The following ZDHHC4 variants were observed in gnomAD, a reference collection of about 807,000 sequenced individuals.
ZDHHC4 encodes palmitoyltransferase ZDHHC4.
A neutral mutation model predicts 36.7 loss-of-function variants in ZDHHC4; 42 were observed. The observed-to-expected ratio is 1.14, with a 90% CI of 0.89 to 1.48. The LOEUF (loss-of-function observed/expected upper bound fraction) is 1.48. Among genes scored for constraint, ZDHHC4 ranks in the 40% most tolerant of loss-of-function variants. ZDHHC4 has a pLI of 0.00. For synonymous variants in ZDHHC4, 189 were observed against 166.6 expected (o/e 1.13, Z -1.03); for missense variants, 457 against 421.5 (o/e 1.08, Z -0.74).
chr7:6,582,890 G>A (rs567938309), intron 5 of ZDHHC4, among the ~76,000 whole-genome samples: 2 of 152,238 alleles, frequency 1.3e-5, no homozygotes, highest in South Asian at 2.1e-4. Context: ...AATGAATTGC[G>A]TGGCTGGGCG....
chr7:6,580,600 G>T lies in ZDHHC4; in HGVS notation c.39G>T (p.Ser13=), dbSNP rs758957845. ...FLVLFLFYLA[S]VLMGLVLICV... is the part of the protein sequence containing the mutation. ...TCCTCTTCTTGTTCTACCTGGCTTC[G>T]GTGCTGATGGGTCTTGTTCTTATCT... Residue 13 remains serine, a synonymous_variant, in exon 3 of 8, where the codon TCG becomes TCT. Transcript: ENST00000335965. The T allele has an allele frequency of 1.1e-5, 17 of 1,613,922 alleles. No individual in the cohort carries two copies. The highest frequency in any genetic ancestry group is 1.7e-5 in the Admixed American group (1 of 59,980).
rs918644213 is a variant in ZDHHC4 at position 6,582,193 on chromosome 7, C to G, written c.312C>G (p.Pro104=). The change falls in exon 5 of 8, where the codon CCC becomes CCG. Residue 104 remains proline, a synonymous_variant. Coordinates refer to ENST00000335965, the MANE Select transcript of ZDHHC4 (RefSeq NM_001134389.2). ...TGTCCTTGCATTACCTTCTTCTGCC[C>G]TATCTGCTGCTAGGTGTAAACCTGT... ...LELSLHYLLL[P]YLLLGVNLFF... is the part of the protein sequence containing the mutation. 3 of 1,614,012 alleles carry G rather than the reference C, an allele frequency of 1.9e-6. No homozygotes were observed. The highest frequency in any genetic ancestry group is 2.5e-6 in the Non-Finnish European group (3 of 1,180,000).
At position 6,577,466 on chromosome 7, in the gene ZDHHC4, C is replaced by G. The variant is rs989311335; in HGVS notation, c.-195C>G. 1.3e-5 allele frequency: 2 copies of G among 152,132 alleles called. No homozygotes were observed. The highest frequency in any genetic ancestry group is 2.9e-5 in the Non-Finnish European group (2 of 68,018). 9.4% of individuals were successfully genotyped at this position (152,132 alleles called of 1,614,324 possible). ...CGAGCCCGCAGGAAGTCTCGTATCG[C>G]GCCCGGGAGGCGCCGGAGCCCAGCG... On this transcript the variant is annotated 5_prime_UTR_variant, in exon 1 of 8. Transcript: ENST00000335965.
In ZDHHC4 at chr7:6,583,349, T is replaced by C. The variant is rs1780999708; in HGVS notation, c.414T>C (p.Tyr138=). 6.2e-7 allele frequency: 1 copy of C among 1,613,680 alleles called. No individual in the cohort carries two copies. The change falls in exon 6 of 8, where the codon TAT becomes TAC. Residue 138 remains tyrosine, a synonymous_variant. Transcript: ENST00000335965. ...KANELLFLHV[Y]EFDEVMFPKN... is the part of the protein sequence containing the mutation. The stretch of plus-strand genomic sequence containing the variant: ...ATGAATTATTATTTCTTCATGTTTA[T>C]GAATTTGATGAAGTGATGTTTCCAA...
intron 7 of ZDHHC4, 38 bp from the exon 8 acceptor site, chr7:6,588,579 T>A (rs760251860): frequency 3.8e-6 from 6 of 1,599,728 alleles, no homozygotes; most frequent in Non-Finnish European, 5.1e-6. Context: ...GATGTCACAG[T>A]CCAGCTGCCT....
intron 1 of ZDHHC4, 177 bp downstream of exon 1, chr7:6,577,675 A>G (rs995726092): frequency 6.6e-6 from 1 of 151,980 alleles, no homozygotes; most frequent in Non-Finnish European, 1.5e-5. Flanking sequence ...TCCCCCTACC[A>G]GGGCTCCAGC....
chr7:6,586,877 T>TC (rs1781279721), intron 7 of ZDHHC4, among the ~76,000 whole-genome samples: 1 of 151,826 alleles, frequency 6.6e-6, no homozygotes, highest in Non-Finnish European at 1.5e-5. Context: ...TGTTTTCACT[T>TC]TTGGCTATTT....
intron 3 of ZDHHC4, 184 bp downstream of exon 3, chr7:6,580,862 G>T: frequency 1.6e-6 from 1 of 609,118 alleles, no homozygotes. Context: ...GTTGCCATGA[G>T]CTATGATCAC....
intron 7 of ZDHHC4, among the ~76,000 whole-genome samples, chr7:6,586,619 G>T (rs1226981820): frequency 6.6e-6 from 1 of 152,134 alleles, no homozygotes; most frequent in Non-Finnish European, 1.5e-5. Context: ...GGGATTACAG[G>T]CATGAGCCAC....
chr7:6,582,439 A>C (rs917747281), intron 5 of ZDHHC4, 188 bp downstream of exon 5: 1 of 582,048 alleles, frequency 1.7e-6, no homozygotes, highest in African/African-American at 1.9e-5. Context: ...ATTTAAAACC[A>C]CTTAAAATTT....
At chr7:6,584,943 A>C in intron 6 of ZDHHC4, 73 bp from the exon 7 acceptor site, 1 of 1,580,690 alleles carries the variant, frequency 6.3e-7, no homozygotes, top group Non-Finnish European at 8.6e-7. Flanking sequence ...AGATTATGAA[A>C]ATCTCAGCAG....
intron 3 of ZDHHC4, 157 bp downstream of exon 3, chr7:6,580,835 T>C: frequency 1.5e-6 from 1 of 688,596 alleles, no homozygotes; most frequent in Non-Finnish European, 2.5e-6. Context: ...GAGGATCCCT[T>C]GAGCCAGGAG....
At chr7:6,584,807 T>C in intron 6 of ZDHHC4, 1 of 623,590 alleles carries the variant, frequency 1.6e-6, no homozygotes, top group Non-Finnish European at 2.7e-6. Context: ...ATTTGTCTTG[T>C]AGTCAGATTG....
At chr7:6,588,148 A>C (rs1290268562) in intron 7 of ZDHHC4, among the ~76,000 whole-genome samples, 1 of 152,206 alleles carries the variant, frequency 6.6e-6, no homozygotes, top group African/African-American at 2.4e-5. Context: ...TATAGGCGTG[A>C]GCCATTGCGC....
chr7:6,582,123 C>A lies in ZDHHC4; in HGVS notation c.242C>A (p.Thr81Asn). 6.2e-7 allele frequency: 1 copy of A among 1,614,214 alleles called. No individual in the cohort carries two copies. Among genetic ancestry groups the A allele is most frequent in the East Asian group, 2.2e-5 (1 of 44,888 alleles). ...CTGGTCTTGCAAGGGATGGTTTATA[C>A]TGAGTACACCTGGGAAGTATTTGGC... ...LHLVLQGMVY[T>N]EYTWEVFGYC... The change falls in exon 5 of 8, where the codon ACT (threonine) becomes AAT (asparagine). Residue 81 changes from threonine to asparagine, a missense_variant. Thr to Asn is a moderately conservative substitution (Grantham distance 65, BLOSUM62 0). Coordinates refer to ENST00000335965, the MANE Select transcript of ZDHHC4 (RefSeq NM_001134389.2).
Position 6,580,484 on chromosome 7 carries a change from T to A in ZDHHC4, c.-7-71T>A. On this transcript the variant is annotated intron_variant, in intron 2 of 7. Transcript: ENST00000335965. The stretch of plus-strand genomic sequence containing the variant: ...GTTTTGGTAGCCATTTGGGAGTTGA[T>A]GTCTGAGAATGTGTGCCATGGAAGA... The A allele has an allele frequency of 3.2e-6, 4 of 1,253,902 alleles. No individual in the cohort carries two copies. In the Admixed American group the frequency reaches 6.9e-5, roughly 21 times the overall value. The allele number at this position is 1,253,902 out of a possible 1,614,324, so 77.7% of individuals were successfully genotyped here. A position where few individuals can be genotyped will look rare whatever the true frequency, so the allele number is the denominator to read the frequency against.
In ZDHHC4 at chr7:6,589,323, G is replaced by T. The variant is rs927841370; in HGVS notation, c.*413G>T. On this transcript the variant is annotated 3_prime_UTR_variant, in exon 8 of 8. Transcript: ENST00000335965. Reference sequence around the variant, plus strand: ...CCCCTCTATTCTCCTCTCTCCCCCAGGGGATTTTCATCTCAACAACAGAGT... The same window carrying T: ...CCCCTCTATTCTCCTCTCTCCCCCATGGGATTTTCATCTCAACAACAGAGT... The T allele has an allele frequency of 2.1e-5, 4 of 192,956 alleles. No individual in the cohort carries two copies. Among genetic ancestry groups the T allele is most frequent in the Admixed American group, 5.3e-5 (1 of 18,960 alleles). 12.0% of individuals were successfully genotyped at this position (192,956 alleles called of 1,614,324 possible). A position where few individuals can be genotyped will look rare whatever the true frequency, so the allele number is the denominator to read the frequency against.
intron 5 of ZDHHC4, among the ~76,000 whole-genome samples, chr7:6,583,050 G>A (rs1014045939): frequency 2.0e-5 from 3 of 152,018 alleles, no homozygotes; most frequent in African/African-American, 7.2e-5. Context: ...GCATTAGCAC[G>A]CCTGTAATCC....
chr7:6,589,069 C>A lies in ZDHHC4; in HGVS notation c.*159C>A. ...GAAAATGGGTGTTGACTGAGGAATC[C>A]CCCTTGCTTGTCTTCTTTTGAAACC... On this transcript the variant is annotated 3_prime_UTR_variant, in exon 8 of 8. Coordinates refer to ENST00000335965, the MANE Select transcript of ZDHHC4 (RefSeq NM_001134389.2). 1.1e-6 allele frequency: 1 copy of A among 875,336 alleles called. No homozygotes were observed. The highest frequency in any genetic ancestry group is 1.7e-6 in the Non-Finnish European group (1 of 580,228). 54.2% of individuals were successfully genotyped at this position (875,336 alleles called of 1,614,324 possible). A position where few individuals can be genotyped will look rare whatever the true frequency, so the allele number is the denominator to read the frequency against.
Sources: gnomAD v4.1 joint callset for allele counts (sites outside exome capture counted in the v4.1 genomes callset) on GRCh38, gnomAD v4.1.1 for gene constraint, MANE v1.5 for transcripts, NCBI Gene and HGNC (gene_info 2026-07-23, HGNC 2026-07-21) for gene names.